The following TTC17 variants were observed in gnomAD, a reference collection of about 807,000 sequenced individuals.
The protein encoded by TTC17 is tetratricopeptide repeat protein 17.
A neutral mutation model predicts 143.8 loss-of-function variants in TTC17; 58 were observed. That is an observed-to-expected ratio of 0.40 (90% CI 0.33 to 0.50). The LOEUF (loss-of-function observed/expected upper bound fraction) is 0.50, where lower values mean the gene tolerates loss of function less well. TTC17 is among the 20% of genes least tolerant of loss of function. The pLI, the probability that TTC17 is intolerant of heterozygous loss-of-function variation, is 0.49. For synonymous variants in TTC17, 501 were observed against 497.8 expected, an observed-to-expected ratio of 1.01 and a Z score of -0.09; for missense variants, 1,273 against 1,392.5, an observed-to-expected ratio of 0.91 and a Z score of 1.37.
chr11:43,422,709 G>A (rs576397394), intron 16 of TTC17, among the ~76,000 whole-genome samples: 1 of 152,298 alleles, frequency 6.6e-6, no homozygotes, highest in Admixed American at 6.5e-5. Flanking sequence ...TGAGCTGGAT[G>A]TGGGCAGAGA....
At chr11:43,362,251 C>T (rs182449238) in intron 1 of TTC17, among the ~76,000 whole-genome samples, 25 of 151,716 alleles carry the variant, frequency 1.6e-4, no homozygotes, top group African/African-American at 6.0e-4. Flanking sequence ...AAACTCCAAA[C>T]CTTGTGATCC....
intron 5 of TTC17, 130 bp from the exon 6 acceptor site, chr11:43,396,579 C>A: frequency 2.1e-6 from 1 of 486,026 alleles, no homozygotes; most frequent in Non-Finnish European, 3.7e-6. Flanking sequence ...TTTATCATTG[C>A]TTATCATTCA....
rs776316875 is a variant in TTC17, at chr11:43,397,959, T to A, written c.919-15T>A. ...GTGTGTGTGTGTGTGTGTATGTTTG[T>A]TTTTGTCTCTTCAGATGCTTGGGGA... On this transcript the variant is annotated splice_polypyrimidine_tract_variant and intron_variant, in intron 7 of 23. Transcript: ENST00000039989. 6.2e-7 allele frequency: 1 copy of A among 1,610,244 alleles called. No individual in the cohort carries two copies.
At chr11:43,493,214 C>T (rs1299219725) in intron 23 of TTC17, among the ~76,000 whole-genome samples, 1 of 152,124 alleles carries the variant, frequency 6.6e-6, no homozygotes, top group African/African-American at 2.4e-5. Flanking sequence ...TTCAATATGG[C>T]AGGGATCATT....
At chr11:43,366,665 C>T (rs879911755) in intron 1 of TTC17, among the ~76,000 whole-genome samples, 26 of 152,134 alleles carry the variant, frequency 1.7e-4, no homozygotes, top group Admixed American at 1.5e-3. Context: ...GTGCATATCC[C>T]AGGATATGGT....
intron 16 of TTC17, among the ~76,000 whole-genome samples, chr11:43,435,563 A>C (rs1022968058): frequency 6.6e-6 from 1 of 152,234 alleles, no homozygotes; most frequent in Admixed American, 6.5e-5. Context: ...CCCACTATAC[A>C]TGCCGAAAGT....
At chr11:43,442,459 G>A (rs1420585403) in intron 16 of TTC17, among the ~76,000 whole-genome samples, 2 of 152,190 alleles carry the variant, frequency 1.3e-5, no homozygotes, top group African/African-American at 4.8e-5. Flanking sequence ...TTCCTAAAGG[G>A]ACTAGGGATG....
At chr11:43,482,532 T>C (rs1948306690) in intron 21 of TTC17, among the ~76,000 whole-genome samples, 1 of 152,148 alleles carries the variant, frequency 6.6e-6, no homozygotes, top group African/African-American at 2.4e-5. Flanking sequence ...AACTCCATTG[T>C]AGTAAATGAA....
intron 21 of TTC17, among the ~76,000 whole-genome samples, chr11:43,468,981 T>C (rs191280008): frequency 6.6e-6 from 1 of 152,314 alleles, no homozygotes; most frequent in Non-Finnish European, 1.5e-5. Flanking sequence ...TACGTATATA[T>C]GATGGACTTG....
At chr11:43,420,627 C>G (rs760954608) in intron 16 of TTC17, among the ~76,000 whole-genome samples, 5 of 152,038 alleles carry the variant, frequency 3.3e-5, no homozygotes, top group Non-Finnish European at 7.4e-5. Context: ...CAGCATTTAG[C>G]TTTTTTGAAC....
intron 21 of TTC17, among the ~76,000 whole-genome samples, chr11:43,467,330 A>C (rs547791336): frequency 3.5e-4 from 53 of 152,368 alleles, no homozygotes; most frequent in Middle Eastern, 6.8e-3. Context: ...CACTATGAAT[A>C]CAGCCTTAAA....
Position 43,402,035 on chromosome 11 carries a change from C to CGA in TTC17, c.1332+486_1332+487dup, listed in dbSNP as rs538903686. On this transcript the variant is annotated intron_variant, in intron 10 of 23. Transcript: ENST00000039989. ...AATAAATAAATAAATAAATAAAGAG[C>CGA]GAGAGAGAGATTTTGATTATCTGTT... is the stretch of plus-strand genomic sequence containing the variant. Among the ~76,000 whole-genome samples, 869 of 147,868 alleles carry CGA rather than the reference C, an allele frequency of 5.9e-3. 5 individuals are homozygous for CGA. The highest frequency in any genetic ancestry group is 0.01 in the Non-Finnish European group (685 of 66,294).
chr11:43,415,246 A>AG (rs2134625921), intron 16 of TTC17, among the ~76,000 whole-genome samples: 1 of 152,232 alleles, frequency 6.6e-6, no homozygotes, highest in African/African-American at 2.4e-5. Flanking sequence ...CCCAACATTA[A>AG]GTGGCATATT....
Position 43,487,506 on chromosome 11 carries a change from A to G in TTC17, c.3031-2733A>G, listed in dbSNP as rs566929829. The stretch of plus-strand genomic sequence containing the variant: ...AGTCAAAAAGAACAAATCATTTAAC[A>G]AGGAGAAACAAGTTGGGCTAGCTTC... On this transcript the variant is annotated intron_variant, in intron 21 of 23. Coordinates refer to ENST00000039989, the MANE Select transcript of TTC17 (RefSeq NM_018259.6). Among the ~76,000 whole-genome samples the G allele has an allele frequency of 3.9e-5, 6 of 152,346 alleles. No homozygotes were observed. The East Asian group carries it at 1.2e-3, about 29-fold the overall frequency.
chr11:43,407,621 T>C (rs1215828675), intron 15 of TTC17, 44 bp downstream of exon 15: 1 of 1,527,320 alleles, frequency 6.5e-7, no homozygotes, highest in Non-Finnish European at 9.0e-7. Flanking sequence ...CTATGTAGGG[T>C]AACTCAAATT....
intron 21 of TTC17, among the ~76,000 whole-genome samples, chr11:43,478,964 G>A (rs1948236621): frequency 1.3e-5 from 2 of 152,092 alleles, no homozygotes; most frequent in African/African-American, 4.8e-5. Context: ...TTCCAGGCCG[G>A]GCGTGGTGGC....
chr11:43,486,421 C>T (rs1948382378), intron 21 of TTC17: 2 of 452,794 alleles, frequency 4.4e-6, no homozygotes, highest in Non-Finnish European at 8.9e-6. Context: ...TTCAGGCATC[C>T]ACCGCGGGTC....
intron 4 of TTC17, 113 bp downstream of exon 4, chr11:43,391,689 AT>A: frequency 7.6e-7 from 1 of 1,321,176 alleles, no homozygotes; most frequent in Non-Finnish European, 1.0e-6. Flanking sequence ...CAGCTTTGTA[AT>A]TTTATAGACA....
intron 2 of TTC17, among the ~76,000 whole-genome samples, chr11:43,382,168 T>C (rs1467239730): frequency 6.6e-6 from 1 of 152,182 alleles, no homozygotes; most frequent in Non-Finnish European, 1.5e-5. Context: ...TCTACTGAAA[T>C]TTTATATTCT....
Sources: allele counts gnomAD v4.1 joint callset (sites outside exome capture counted in the v4.1 genomes callset), GRCh38; gene constraint gnomAD v4.1.1; transcripts MANE v1.5; gene names NCBI Gene and HGNC (gene_info 2026-07-23, HGNC 2026-07-21).